The following KLF8 variants were observed in gnomAD, a reference collection of about 807,000 sequenced individuals.
KLF8 encodes KLF transcription factor 8.
Under a neutral mutation model 18.2 loss-of-function variants are expected in KLF8, and 10 were observed. The observed-to-expected ratio is 0.55, with a 90% confidence interval of 0.34 to 0.93. The LOEUF (loss-of-function observed/expected upper bound fraction) is 0.93. KLF8 is among the 40% of genes least tolerant of loss of function. The pLI is 0.02. For synonymous variants in KLF8, 109 were observed against 97.3 expected, an observed-to-expected ratio of 1.12 and a Z score of -0.71; for missense variants, 264 against 277.9, an observed-to-expected ratio of 0.95 and a Z score of 0.36.
At chrX:56,090,724 G>A in the KLF8 span, among the ~76,000 whole-genome samples, 4 of 111,399 alleles carry the variant, frequency 3.6e-5, no homozygotes, top group African/African-American at 6.5e-5. Context: ...TAGCAGTGAG[G>A]TCTGAATAGT....
chrX:56,119,167 C>A, the KLF8 span, among the ~76,000 whole-genome samples: 1 of 111,730 alleles, frequency 9.0e-6, no homozygotes, highest in East Asian at 2.8e-4. Context: ...AGAGACTGAT[C>A]TACTTCCCAC....
chrX:55,981,433 T>C, the KLF8 span, among the ~76,000 whole-genome samples: 1 of 111,978 alleles, frequency 8.9e-6, no homozygotes, highest in Non-Finnish European at 1.9e-5. Flanking sequence ...ATACTTTCAT[T>C]TCAGTCTTTT....
the KLF8 span, among the ~76,000 whole-genome samples, chrX:56,019,648 G>T: frequency 8.9e-6 from 1 of 111,922 alleles, no homozygotes; most frequent in African/African-American, 3.2e-5. Context: ...GGGTTATGTG[G>T]TAAGATAAAG....
At chrX:55,909,398 C>T in the KLF8 span, among the ~76,000 whole-genome samples, 1 of 112,478 alleles carries the variant, frequency 8.9e-6, no homozygotes, top group Non-Finnish European at 1.9e-5. Flanking sequence ...GGAAAATTTC[C>T]ATTTCCTGAA....
upstream of KLF8, among the ~76,000 whole-genome samples, chrX:56,231,533 C>A (rs780482244): frequency 8.9e-6 from 1 of 111,758 alleles, no homozygotes; most frequent in Non-Finnish European, 1.9e-5. Context: ...CTTTGCTCTT[C>A]CTCCCTCTGC....
the KLF8 span, among the ~76,000 whole-genome samples, chrX:55,996,590 T>A: frequency 2.7e-5 from 3 of 111,952 alleles, no homozygotes; most frequent in African/African-American, 6.5e-5. Flanking sequence ...ATAAGTTGGA[T>A]TTAGTTGACA....
the KLF8 span, among the ~76,000 whole-genome samples, chrX:55,953,229 G>A: frequency 1.1e-4 from 12 of 111,309 alleles, no homozygotes; most frequent in Non-Finnish European, 2.1e-4. Context: ...AACAAATAAT[G>A]TTAGGTAGTG....
chrX:56,225,457 T>C, the KLF8 span, among the ~76,000 whole-genome samples: 3 of 111,668 alleles, frequency 2.7e-5, no homozygotes, highest in African/African-American at 9.8e-5. Context: ...AGATAGATTA[T>C]GCAATCAGGC....
At chrX:56,079,253 C>T in the KLF8 span, among the ~76,000 whole-genome samples, 1 of 111,154 alleles carries the variant, frequency 9.0e-6, no homozygotes, top group Non-Finnish European at 1.9e-5. Context: ...AATTTTGGAT[C>T]TTCCCTGCTT....
rs2066685915 is a variant in KLF8 at position 56,250,208 on chromosome X, TCTTTTC to T, written c.8-16_8-11del. On this transcript the variant is annotated splice_polypyrimidine_tract_variant and intron_variant, in intron 1 of 5. Coordinates refer to ENST00000468660, the MANE Select transcript of KLF8 (RefSeq NM_007250.5). ...GGGTTAGATTTTATTCTGAAAGTTG[TCTTTTC>T]CTTTTCTCTTTTCCAGATATGGATA... is the stretch of plus-strand genomic sequence containing the variant. 4.4e-6 allele frequency: 5 copies of T among 1,136,466 alleles called. No individual in the cohort carries two copies. The highest frequency in any genetic ancestry group is 6.0e-6 in the Non-Finnish European group (5 of 829,707). 93.7% of individuals were successfully genotyped at this position (1,136,466 alleles called of 1,213,427 possible). A position where few individuals can be genotyped will look rare whatever the true frequency, so the allele number is the denominator to read the frequency against.
the KLF8 span, among the ~76,000 whole-genome samples, chrX:56,080,476 C>T: frequency 1.8e-5 from 2 of 110,913 alleles, no homozygotes; most frequent in African/African-American, 6.6e-5. Flanking sequence ...GAATATTGGC[C>T]CCCATTCTCT....
At chrX:56,182,092 G>T in the KLF8 span, among the ~76,000 whole-genome samples, 1 of 111,676 alleles carries the variant, frequency 9.0e-6, no homozygotes, top group South Asian at 3.8e-4. Context: ...TCACTTTCAG[G>T]TACACCAGTC....
chrX:55,947,428 A>C, the KLF8 span, among the ~76,000 whole-genome samples: 4 of 102,055 alleles, frequency 3.9e-5, no homozygotes, highest in African/African-American at 1.4e-4. Flanking sequence ...ATAGGTGGGA[A>C]TTGAACAATG....
upstream of KLF8, among the ~76,000 whole-genome samples, chrX:56,231,180 C>T (rs1444831756): frequency 1.8e-5 from 2 of 111,483 alleles, no homozygotes; most frequent in Non-Finnish European, 3.8e-5. Flanking sequence ...GGATGAGTTC[C>T]AGGGTGCTGC....
chrX:56,269,582 T>A, intron 4 of KLF8, 93 bp downstream of exon 4: 1 of 1,042,834 alleles, frequency 9.6e-7, no homozygotes, highest in South Asian at 3.3e-5. Flanking sequence ...GAACTAATGA[T>A]CAGACACAAG....
intron 2 of KLF8, among the ~76,000 whole-genome samples, chrX:56,259,958 A>G (rs1257461892): frequency 1.8e-5 from 2 of 111,751 alleles, no homozygotes; most frequent in Middle Eastern, 4.6e-3. Flanking sequence ...TCTGGAGGCC[A>G]GAAATCTGAA....
the KLF8 span, chrX:55,961,480 G>T: frequency 3.6e-6 from 2 of 548,710 alleles, no homozygotes; most frequent in Admixed American, 2.3e-5. Flanking sequence ...AAAAAATTTG[G>T]ACAAAGAATA....
At chrX:56,091,447 C>T in the KLF8 span, among the ~76,000 whole-genome samples, 2 of 111,214 alleles carry the variant, frequency 1.8e-5, no homozygotes, top group Non-Finnish European at 3.8e-5. Context: ...AGAGTGAGAA[C>T]TGATTAATAC....
chrX:55,908,869 G>A, the KLF8 span: 1 of 167,954 alleles, frequency 6.0e-6, no homozygotes, highest in African/African-American at 3.0e-5. Flanking sequence ...CACCCTCTCT[G>A]GGCGGCGAAA....
Sources: allele counts gnomAD v4.1 joint callset (sites outside exome capture counted in the v4.1 genomes callset), GRCh38; gene constraint gnomAD v4.1.1; transcripts MANE v1.5; gene names NCBI Gene and HGNC (gene_info 2026-07-23, HGNC 2026-07-21).